Variants in SLC1A4 observed in about 807,000 individuals in gnomAD.
SLC1A4 encodes solute carrier family 1 member 4.
Under a neutral mutation model 37.7 loss-of-function variants are expected in SLC1A4, and 19 were observed. The observed-to-expected ratio is 0.50, with a 90% CI of 0.35 to 0.74. The LOEUF is 0.74. Among genes scored for constraint, SLC1A4 ranks in the 30% least tolerant of loss-of-function variants. The probability of loss-of-function intolerance (pLI) is 0.01; values close to 1 mark genes in which losing one functional copy is unlikely to be tolerated. For missense variants in SLC1A4, 570 were observed against 712.9 expected, an observed-to-expected ratio of 0.80 and a Z score of 2.28; for synonymous variants, 299 against 309.8, an observed-to-expected ratio of 0.97 and a Z score of 0.37.
chr2:64,999,395 A>T lies in SLC1A4; in HGVS notation c.528-2053A>T, dbSNP rs1673382695. Reference sequence around the variant, plus strand: ...TGTATGCTGGCCGTCCTGTGAGAGCACCCTAAGTGTTCTAATGCATTGATT... The same window carrying T: ...TGTATGCTGGCCGTCCTGTGAGAGCTCCCTAAGTGTTCTAATGCATTGATT... On this transcript the variant is annotated intron_variant, in intron 1 of 7. Transcript: ENST00000234256. 2.0e-5 allele frequency: 3 copies of T among 152,146 alleles called. 1 individual carries two copies. Among genetic ancestry groups the T allele is most frequent in the African/African-American group, 7.2e-5 (3 of 41,428 alleles). The allele number at this position is 152,146 out of a possible 1,614,324, so 9.4% of individuals were successfully genotyped here. A position where few individuals can be genotyped will look rare whatever the true frequency, so the allele number is the denominator to read the frequency against.
At chr2:64,998,693 C>G (rs922213125) in intron 1 of SLC1A4, among the ~76,000 whole-genome samples, 3 of 152,048 alleles carry the variant, frequency 2.0e-5, no homozygotes, top group African/African-American at 7.2e-5. Flanking sequence ...TGAGATGTTA[C>G]TGGGTTATTG....
In SLC1A4 at chr2:64,989,609, C is replaced by T. The variant is rs77796333; in HGVS notation, c.-35C>T. On this transcript the variant is annotated 5_prime_UTR_variant, in exon 1 of 8. Coordinates refer to ENST00000234256, the MANE Select transcript of SLC1A4 (RefSeq NM_003038.5). ...CCGTCTTTTGCCAGAGCCCACGTCC[C>T]CTGCCACCTCTAGCTCGGAGCGGCG... 60,361 of 1,448,920 alleles carry T rather than the reference C, an allele frequency of 0.042. 1,484 individuals are homozygous for T. The highest frequency in any genetic ancestry group is 0.049 in the Non-Finnish European group (53,720 of 1,103,712). 89.8% of individuals were successfully genotyped at this position (1,448,920 alleles called of 1,614,324 possible). A position where few individuals can be genotyped will look rare whatever the true frequency, so the allele number is the denominator to read the frequency against.
rs566187745 is a variant in SLC1A4, at chr2:65,008,568, G to C, written c.634-2029G>C. On this transcript the variant is annotated intron_variant, in intron 3 of 7. Transcript: ENST00000234256. ...AGGTAAGAGGATTGCTTAGACCCTG[G>C]AGATCAAGGCTGCAGTGAGCCGTGT... Among the ~76,000 whole-genome samples, 3 of 152,254 alleles carry C rather than the reference G, an allele frequency of 2.0e-5. No homozygotes were observed. In the East Asian group the frequency reaches 5.8e-4, roughly 29 times the overall value.
At position 64,989,506 on chromosome 2, in the gene SLC1A4, C is replaced by G. The variant is rs1572936811; in HGVS notation, c.-138C>G. 3.4e-5 allele frequency: 24 copies of G among 708,896 alleles called. No individual in the cohort carries two copies. The highest frequency in any genetic ancestry group is 4.6e-4 in the Middle Eastern group (1 of 2,164). 43.9% of individuals were successfully genotyped at this position (708,896 alleles called of 1,614,324 possible). The stretch of plus-strand genomic sequence containing the variant: ...CGCCTTTCTCGCACCTGCTCCTGCG[C>G]CAGGCCCGGAGACCCCCGGGGCGGC... On this transcript the variant is annotated 5_prime_UTR_variant, in exon 1 of 8. Transcript: ENST00000234256.
chr2:65,020,790 T>G (rs896025929), intron 7 of SLC1A4, 122 bp from the exon 8 acceptor site: 1 of 733,566 alleles, frequency 1.4e-6, no homozygotes, highest in African/African-American at 1.7e-5. Flanking sequence ...CTTAGAAGCA[T>G]GCTCTCCAGG....
At chr2:64,997,692 A>C (rs1229195622) in intron 1 of SLC1A4, among the ~76,000 whole-genome samples, 4 of 152,192 alleles carry the variant, frequency 2.6e-5, no homozygotes, top group African/African-American at 9.7e-5. Context: ...GAGTTTTCAT[A>C]ATCTTTGTAT....
intron 3 of SLC1A4, among the ~76,000 whole-genome samples, chr2:65,009,176 A>G (rs988184338): frequency 1.4e-4 from 22 of 152,170 alleles, no homozygotes; most frequent in Non-Finnish European, 2.5e-4. Context: ...CCTGACCAAC[A>G]TGGAGAAACC....
At chr2:65,015,619 G>GA (rs1252425522) in intron 4 of SLC1A4, among the ~76,000 whole-genome samples, 1 of 152,158 alleles carries the variant, frequency 6.6e-6, no homozygotes, top group African/African-American at 2.4e-5. Flanking sequence ...AATATCTCTA[G>GA]AAAGAAAACT....
At position 65,022,275 on chromosome 2, in the gene SLC1A4, T is replaced by A. The variant is rs1443835912; in HGVS notation, c.*1129T>A. On this transcript the variant is annotated 3_prime_UTR_variant, in exon 8 of 8. Transcript: ENST00000234256. ...TTGCCAGTACATCCAAGTTTAAAATTATCAGCGAAATGGTCCATGTTTTTC... is the reference window on the plus strand; with the variant it reads ...TTGCCAGTACATCCAAGTTTAAAATAATCAGCGAAATGGTCCATGTTTTTC... 1 of 152,254 alleles carries A rather than the reference T, an allele frequency of 6.6e-6. No homozygotes were observed. The highest frequency in any genetic ancestry group is 1.5e-5 in the Non-Finnish European group (1 of 68,038). The allele number at this position is 152,254 out of a possible 1,614,324, so 9.4% of individuals were successfully genotyped here.
rs1313921210 is a variant in SLC1A4, at chr2:65,023,294, C to A, written c.*2148C>A. The A allele has an allele frequency of 6.7e-6, 1 of 150,204 alleles. No homozygotes were observed. The highest frequency in any genetic ancestry group is 6.6e-5 in the Admixed American group (1 of 15,138). The allele number at this position is 150,204 out of a possible 1,614,324, so 9.3% of individuals were successfully genotyped here. On this transcript the variant is annotated 3_prime_UTR_variant, in exon 8 of 8. Coordinates refer to ENST00000234256, the MANE Select transcript of SLC1A4 (RefSeq NM_003038.5). ...TTCATATATATATACACAACACACA[C>A]ACACATATGTATATCTATACACACA...
intron 4 of SLC1A4, among the ~76,000 whole-genome samples, chr2:65,015,193 ATGTT>A (rs1674076754): frequency 6.6e-6 from 1 of 152,226 alleles, no homozygotes; most frequent in African/African-American, 2.4e-5. Flanking sequence ...GTAGGCTGTT[ATGTT>A]TAATGATTTC....
intron 4 of SLC1A4, among the ~76,000 whole-genome samples, chr2:65,014,265 A>G (rs1674033972): frequency 6.6e-6 from 1 of 152,264 alleles, no homozygotes; most frequent in South Asian, 2.1e-4. Flanking sequence ...AGAAAAAAAG[A>G]GTTCTGATTA....
At chr2:65,013,300 G>A (rs752973651) in intron 4 of SLC1A4, among the ~76,000 whole-genome samples, 3 of 152,202 alleles carry the variant, frequency 2.0e-5, no homozygotes, top group East Asian at 1.9e-4. Context: ...TTGGCTCACC[G>A]CAACCTCCGC....
intron 5 of SLC1A4, among the ~76,000 whole-genome samples, chr2:65,017,563 C>G (rs1329193932): frequency 6.6e-6 from 1 of 152,038 alleles, no homozygotes; most frequent in Non-Finnish European, 1.5e-5. Context: ...CTCAGCTGCA[C>G]CAACTAACCT....
At position 65,021,974 on chromosome 2, in the gene SLC1A4, C is replaced by A. The variant is rs1222845771; in HGVS notation, c.*828C>A. The A allele has an allele frequency of 6.6e-6, 1 of 152,310 alleles. No homozygotes were observed. Among genetic ancestry groups the A allele is most frequent in the Non-Finnish European group, 1.5e-5 (1 of 68,086 alleles). The allele number at this position is 152,310 out of a possible 1,614,324, so 9.4% of individuals were successfully genotyped here. On this transcript the variant is annotated 3_prime_UTR_variant, in exon 8 of 8. Coordinates refer to ENST00000234256, the MANE Select transcript of SLC1A4 (RefSeq NM_003038.5). ...CCAGAGGCCTGGGCCTCTGATAACA[C>A]TTTGGCTTTTTCTCCATTCACGCTG...
In SLC1A4 at chr2:65,023,860, C is replaced by T. The variant is rs946401501; in HGVS notation, c.*2714C>T. On this transcript the variant is annotated 3_prime_UTR_variant, in exon 8 of 8. Coordinates refer to ENST00000234256, the MANE Select transcript of SLC1A4 (RefSeq NM_003038.5). ...CTCAGAAATGAATACCGTGTTTCCA[C>T]TGGAATCTGCAGTTCCTTTATTCCC... The T allele has an allele frequency of 6.5e-6, 1 of 152,712 alleles. No homozygotes were observed. The highest frequency in any genetic ancestry group is 2.4e-5 in the African/African-American group (1 of 41,474). 9.5% of individuals were successfully genotyped at this position (152,712 alleles called of 1,614,324 possible).
At position 65,018,304 on chromosome 2, in the gene SLC1A4, C is replaced by A; in HGVS notation, c.1229+39C>A. 1 of 1,586,410 alleles carries A rather than the reference C, an allele frequency of 6.3e-7. No individual in the cohort carries two copies. The highest frequency in any genetic ancestry group is 8.6e-7 in the Non-Finnish European group (1 of 1,160,368). Reference sequence around the variant, plus strand: ...TCTTTCCCTGGCTCAAAACTGAAGGCTTTTCTTGTGATTTCCTTTGAAAAA... The same window carrying A: ...TCTTTCCCTGGCTCAAAACTGAAGGATTTTCTTGTGATTTCCTTTGAAAAA... On this transcript the variant is annotated intron_variant, in intron 6 of 7. Coordinates refer to ENST00000234256, the MANE Select transcript of SLC1A4 (RefSeq NM_003038.5). This position sits in a 1 kb window ranked among gnomAD's most constrained non-coding sequence, Gnocchi z 4.3.
At chr2:65,015,442 T>A (rs552183367) in intron 4 of SLC1A4, among the ~76,000 whole-genome samples, 1 of 150,872 alleles carries the variant, frequency 6.6e-6, no homozygotes, top group Non-Finnish European at 1.5e-5. Flanking sequence ...TTTAAATACA[T>A]ACCTATGTAT....
intron 3 of SLC1A4, 63 bp from the exon 4 acceptor site, chr2:65,010,534 C>A: frequency 7.1e-7 from 1 of 1,399,236 alleles, no homozygotes; most frequent in Non-Finnish European, 9.7e-7. Context: ...GGACACCAAG[C>A]AAATACATCT....
Sources: gnomAD v4.1 joint callset for allele counts (sites outside exome capture counted in the v4.1 genomes callset) on GRCh38, gnomAD v4.1.1 for gene constraint, Gnocchi (gnomAD v3.1) non-coding constraint, MANE v1.5 for transcripts, NCBI Gene and HGNC (gene_info 2026-07-23, HGNC 2026-07-21) for gene names.